The following ZNF846 variants were observed in gnomAD, a reference collection of about 807,000 sequenced individuals.
ZNF846 encodes the protein zinc finger protein 846, also known as zinc finger protein 420 pseudogene.
In ZNF846, 15 loss-of-function variants were observed where a neutral mutation model predicts 16.0. The ratio of observed to expected loss-of-function variants is 0.94; its 90% CI spans 0.63 to 1.45. The LOEUF (loss-of-function observed/expected upper bound fraction) is 1.45. Ranked by LOEUF, ZNF846 falls within the 40% of genes most tolerant of loss-of-function variation. The probability of loss-of-function intolerance (pLI) is 0.00; values close to 1 mark genes in which losing one functional copy is unlikely to be tolerated. For missense variants in ZNF846, 714 were observed against 622.3 expected, an observed-to-expected ratio of 1.15 and a Z score of -1.57; for synonymous variants, 229 against 212.0, an observed-to-expected ratio of 1.08 and a Z score of -0.70.
At chr19:9,778,236 A>C (rs1026796010) in intron 1 of ZNF846, among the ~76,000 whole-genome samples, 1 of 152,210 alleles carries the variant, frequency 6.6e-6, no homozygotes, top group Middle Eastern at 3.2e-3. Context: ...AAGAGATAGA[A>C]AACCTAAAAA....
intron 1 of ZNF846, among the ~76,000 whole-genome samples, chr19:9,777,395 G>A (rs952900585): frequency 2.0e-5 from 3 of 151,560 alleles, no homozygotes; most frequent in East Asian, 1.9e-4. Context: ...GTTTGGAGCC[G>A]GGTGCGGTGG....
chr19:9,774,727 A>G, intron 1 of ZNF846: 1 of 1,545,478 alleles, frequency 6.5e-7, no homozygotes, highest in Non-Finnish European at 8.9e-7. Context: ...TCTATCACCC[A>G]AATATCGACG....
chr19:9,764,969 C>G, exon 2 of ZNF846: 2 of 1,614,126 alleles, frequency 1.2e-6, no homozygotes, highest in Middle Eastern at 3.3e-4. Context: ...CATCAGTAAC[C>G]CAGCCACTAG....
At chr19:9,758,093 G>C in exon 6 of ZNF846, 5 of 1,613,614 alleles carry the variant, frequency 3.1e-6, no homozygotes, top group Non-Finnish European at 4.2e-6. Context: ...GAATTCGCAT[G>C]TGTAAAATAA....
At chr19:9,754,672 C>T (rs1167762023), downstream of ZNF846, among the ~76,000 whole-genome samples, 2 of 150,044 alleles carry the variant, frequency 1.3e-5, no homozygotes, top group Admixed American at 6.6e-5. Flanking sequence ...ATCCCATTTA[C>T]CCTTCATATA....
At chr19:9,759,814 T>C in intron 5 of ZNF846, 46 bp downstream of exon 5, 1 of 1,422,246 alleles carries the variant, frequency 7.0e-7, no homozygotes, top group Non-Finnish European at 9.8e-7. Context: ...ATGAATATTG[T>C]GCTTCTTGTC....
At chr19:9,779,220 T>C (rs2045476645) in intron 1 of ZNF846, among the ~76,000 whole-genome samples, 1 of 152,196 alleles carries the variant, frequency 6.6e-6, no homozygotes, top group South Asian at 2.1e-4. Flanking sequence ...GGTTGGTTCC[T>C]TTGGAAGAAA....
chr19:9,778,494 G>GA (rs1474209246), intron 1 of ZNF846, among the ~76,000 whole-genome samples: 2 of 152,118 alleles, frequency 1.3e-5, no homozygotes, highest in Non-Finnish European at 2.9e-5. Context: ...GCAGGTGACA[G>GA]AAAAACAAGC....
chr19:9,776,935 C>T (rs1203102874), intron 1 of ZNF846, among the ~76,000 whole-genome samples: 1 of 151,706 alleles, frequency 6.6e-6, no homozygotes, highest in Non-Finnish European at 1.5e-5. Flanking sequence ...AATCAGAAAG[C>T]TCTGAAGAGC....
intron 1 of ZNF846, among the ~76,000 whole-genome samples, chr19:9,766,816 C>T (rs1414538276): frequency 6.6e-6 from 1 of 150,480 alleles, no homozygotes; most frequent in African/African-American, 2.5e-5. Context: ...AGGAGAAGCA[C>T]TTGAACCCGG....
At chr19:9,759,383 C>T (rs949049298) in intron 5 of ZNF846, among the ~76,000 whole-genome samples, 3 of 151,406 alleles carry the variant, frequency 2.0e-5, no homozygotes, top group African/African-American at 7.3e-5. Flanking sequence ...AGGTGGATTG[C>T]TTTGAGCTCA....
rs113160573 is a variant in ZNF846, at chr19:9,777,149, GCACACA to G, written c.-86+8783_-86+8788del. Among the ~76,000 whole-genome samples, 23 of 131,742 alleles carry G rather than the reference GCACACA, an allele frequency of 1.7e-4. No individual in the cohort carries two copies. The East Asian group carries it at 3.9e-3, about 22-fold the overall frequency. The allele number at this position is 131,742 out of a possible 152,430, so 86.4% of individuals were successfully genotyped here. A position where few individuals can be genotyped will look rare whatever the true frequency, so the allele number is the denominator to read the frequency against. On this transcript the variant is annotated intron_variant, in intron 1 of 4. Transcript: ENST00000586814. ...AGAACGAAAGAAAACACACACACACGCACACACACACACACACACACACACACAATT... is the reference window on the plus strand; with the variant it reads ...AGAACGAAAGAAAACACACACACACGCACACACACACACACACACACAATT...
downstream of ZNF846, among the ~76,000 whole-genome samples, chr19:9,748,882 G>A (rs1224916153): frequency 1.3e-5 from 2 of 152,114 alleles, no homozygotes; most frequent in African/African-American, 2.4e-5. Flanking sequence ...CAGCAGGCTA[G>A]ACAGGAAATT....
intron 1 of ZNF846, among the ~76,000 whole-genome samples, chr19:9,779,155 G>A (rs937233249): frequency 6.6e-6 from 1 of 152,140 alleles, no homozygotes; most frequent in Non-Finnish European, 1.5e-5. Context: ...CATGTGAGAC[G>A]ATTTAACTCT....
chr19:9,782,021 C>T (rs2045506982), intron 1 of ZNF846, among the ~76,000 whole-genome samples: 1 of 152,112 alleles, frequency 6.6e-6, no homozygotes, highest in African/African-American at 2.4e-5. Context: ...AGATGATCCA[C>T]CCACCTCAGC....
chr19:9,776,778 A>G (rs1039676284), intron 1 of ZNF846, among the ~76,000 whole-genome samples: 1 of 152,256 alleles, frequency 6.6e-6, no homozygotes, highest in East Asian at 1.9e-4. Context: ...GCAGTCCCTC[A>G]TAGCATGAGA....
chr19:9,779,352 T>C (rs1467472567), intron 1 of ZNF846, among the ~76,000 whole-genome samples: 1 of 152,114 alleles, frequency 6.6e-6, no homozygotes, highest in Non-Finnish European at 1.5e-5. Context: ...TACCGCAACC[T>C]CCGCCTCCCG....
chr19:9,755,081 G>A (rs1568319058), downstream of ZNF846, among the ~76,000 whole-genome samples: 1 of 151,010 alleles, frequency 6.6e-6, no homozygotes, highest in Admixed American at 6.6e-5. Flanking sequence ...AGCCAGGCTG[G>A]TTTCAATCTC....
At chr19:9,762,203 G>T in intron 3 of ZNF846, 35 bp from the exon 4 acceptor site, 2 of 1,539,714 alleles carry the variant, frequency 1.3e-6, no homozygotes, top group Non-Finnish European at 1.8e-6. Context: ...AGAGGCCCAT[G>T]CAAGACATAA....
Sources: gnomAD v4.1 joint callset for allele counts (sites outside exome capture counted in the v4.1 genomes callset) on GRCh38, gnomAD v4.1.1 for gene constraint, MANE v1.5 for transcripts, NCBI Gene and HGNC (gene_info 2026-07-23, HGNC 2026-07-21) for gene names.